ALPL: variants seen among roughly 807,000 people sequenced by gnomAD.
The protein encoded by ALPL is alkaline phosphatase, biomineralization associated.
Under a neutral mutation model 51.3 loss-of-function variants are expected in ALPL, and 42 were observed. The observed-to-expected ratio is 0.82, with a 90% CI of 0.64 to 1.06. The LOEUF (loss-of-function observed/expected upper bound fraction) is 1.06. Among genes scored for constraint, ALPL ranks in the 50% least tolerant of loss-of-function variants. The pLI is 0.00. For missense variants in ALPL, 589 were observed against 709.4 expected, an observed-to-expected ratio of 0.83 and a Z score of 1.93; for synonymous variants, 279 against 296.4, an observed-to-expected ratio of 0.94 and a Z score of 0.60.
intron 1 of ALPL, among the ~76,000 whole-genome samples, chr1:21,541,908 G>A (rs1003869087): frequency 6.6e-6 from 1 of 152,108 alleles, no homozygotes; most frequent in Non-Finnish European, 1.5e-5. Context: ...CCAGGATGGG[G>A]TGCTGTCAAT....
chr1:21,577,706 G>GC lies in ALPL; in HGVS notation c.*66dup, dbSNP rs371832452. On this transcript the variant is annotated 3_prime_UTR_variant, in exon 12 of 12. Transcript: ENST00000374840. ...ACAGATGCCAACTTCCCACACGGCAGCCCCCCCCTCAAGGGGCAGGGAGGT... is the reference window on the plus strand; with the variant it reads ...ACAGATGCCAACTTCCCACACGGCAGCCCCCCCCCTCAAGGGGCAGGGAGGT... 155 of 1,550,508 alleles carry GC rather than the reference G, an allele frequency of 1.0e-4. No homozygotes were observed. The highest frequency in any genetic ancestry group is 2.9e-4 in the Admixed American group (16 of 54,612).
rs185208617 is a variant in ALPL at position 21,516,041 on chromosome 1, G to A, written c.-105+6524G>A. Among the ~76,000 whole-genome samples, 203 of 152,110 alleles carry A rather than the reference G, an allele frequency of 1.3e-3. 1 individual carries two copies. Among genetic ancestry groups the A allele is most frequent in the African/African-American group, 4.5e-3 (187 of 41,484 alleles). On this transcript the variant is annotated intron_variant, in intron 1 of 11. Transcript: ENST00000374840. ...CCACAGGCATTCGCCACCACGCCCCGCTAATTTTTTTTATTACTTGTAGAG... is the reference window on the plus strand; with the variant it reads ...CCACAGGCATTCGCCACCACGCCCCACTAATTTTTTTTATTACTTGTAGAG...
chr1:21,532,378 A>G (rs1302912707), intron 1 of ALPL, among the ~76,000 whole-genome samples: 1 of 151,984 alleles, frequency 6.6e-6, no homozygotes, highest in Non-Finnish European at 1.5e-5. Context: ...TTTTGTAGAG[A>G]TGGGGTTTCA....
chr1:21,514,348 A>G (rs957973492), intron 1 of ALPL, among the ~76,000 whole-genome samples: 1 of 152,124 alleles, frequency 6.6e-6, no homozygotes, highest in African/African-American at 2.4e-5. Context: ...CTTGCTCCCC[A>G]AGAGCCCTGT....
chr1:21,524,496 T>TA (rs1643916618), intron 1 of ALPL, among the ~76,000 whole-genome samples: 1 of 151,224 alleles, frequency 6.6e-6, no homozygotes, highest in South Asian at 2.1e-4. Flanking sequence ...ATCCCATCTC[T>TA]AAAAATAAAA....
intron 1 of ALPL, among the ~76,000 whole-genome samples, chr1:21,514,602 C>T (rs996990810): frequency 2.0e-5 from 3 of 152,092 alleles, no homozygotes; most frequent in Non-Finnish European, 4.4e-5. Context: ...TGGTTACATG[C>T]GGGGGGCTCT....
chr1:21,553,028 G>A (rs1005147557), intron 1 of ALPL, among the ~76,000 whole-genome samples: 4 of 151,444 alleles, frequency 2.6e-5, no homozygotes, highest in African/African-American at 9.7e-5. Flanking sequence ...ACATTCTTAT[G>A]CCATTAATAC....
chr1:21,567,638 C>G (rs1168514713), intron 6 of ALPL, among the ~76,000 whole-genome samples: 2 of 152,234 alleles, frequency 1.3e-5, no homozygotes, highest in African/African-American at 4.8e-5. Flanking sequence ...GGTTTGAATC[C>G]TGATGCTGCC....
chr1:21,576,505 A>G lies in ALPL; in HGVS notation c.1190-17A>G, dbSNP rs1168197382. Reference sequence around the variant, plus strand: ...TGGGGCCCCAGCATGACCCCTGAACACCCCCTCCCTGTGCAGGTCTGGCCC... The same window carrying G: ...TGGGGCCCCAGCATGACCCCTGAACGCCCCCTCCCTGTGCAGGTCTGGCCC... On this transcript the variant is annotated splice_polypyrimidine_tract_variant and intron_variant, in intron 10 of 11. Transcript: ENST00000374840. The G allele has an allele frequency of 6.2e-7, 1 of 1,612,836 alleles. No individual in the cohort carries two copies. Among genetic ancestry groups the G allele is most frequent in the East Asian group, 2.2e-5 (1 of 44,816 alleles).
At chr1:21,569,522 C>T (rs985894907) in intron 7 of ALPL, among the ~76,000 whole-genome samples, 1 of 152,100 alleles carries the variant, frequency 6.6e-6, no homozygotes, top group African/African-American at 2.4e-5. Flanking sequence ...ACAGGAACAA[C>T]CCTGGAGGGA....
chr1:21,530,273 A>G (rs552094877), intron 1 of ALPL, among the ~76,000 whole-genome samples: 6 of 152,306 alleles, frequency 3.9e-5, no homozygotes, highest in Non-Finnish European at 8.8e-5. Flanking sequence ...ATTTTTGCTT[A>G]TTTTAAATTC....
chr1:21,511,014 G>A (rs1047206673), intron 1 of ALPL, among the ~76,000 whole-genome samples: 2 of 152,164 alleles, frequency 1.3e-5, no homozygotes, highest in South Asian at 2.1e-4. Flanking sequence ...TTCCCCTTTC[G>A]GGACTATTGT....
At chr1:21,520,146 A>G (rs1643869409) in intron 1 of ALPL, among the ~76,000 whole-genome samples, 1 of 151,908 alleles carries the variant, frequency 6.6e-6, no homozygotes, top group South Asian at 2.1e-4. Context: ...TTGTTTTTTG[A>G]GACAAGGTCT....
At chr1:21,545,656 G>T (rs1644245675) in intron 1 of ALPL, among the ~76,000 whole-genome samples, 1 of 152,048 alleles carries the variant, frequency 6.6e-6, no homozygotes, top group African/African-American at 2.4e-5. Context: ...AATGACAAGT[G>T]CTAAGCTGTA....
chr1:21,563,413 G>A (rs1310173913), intron 5 of ALPL, 129 bp downstream of exon 5: 4 of 1,210,878 alleles, frequency 3.3e-6, no homozygotes, highest in African/African-American at 3.1e-5. Flanking sequence ...GATATGCTGG[G>A]AGTCTGTAAT....
intron 1 of ALPL, among the ~76,000 whole-genome samples, chr1:21,542,035 G>A (rs764903667): frequency 2.0e-5 from 3 of 152,200 alleles, no homozygotes; most frequent in Non-Finnish European, 2.9e-5. Flanking sequence ...TCCTGCGCAA[G>A]CACTTCATCC....
chr1:21,527,405 A>G (rs1237558427), intron 1 of ALPL, among the ~76,000 whole-genome samples: 2 of 152,190 alleles, frequency 1.3e-5, no homozygotes, highest in Admixed American at 6.5e-5. Flanking sequence ...CTCAGTCTTC[A>G]GATATCTTGA....
At chr1:21,565,824 T>C (rs1558550820) in intron 6 of ALPL, among the ~76,000 whole-genome samples, 1 of 149,110 alleles carries the variant, frequency 6.7e-6, no homozygotes, top group Non-Finnish European at 1.5e-5. Flanking sequence ...TAAATACTGT[T>C]GCTTAAAAAA....
intron 1 of ALPL, among the ~76,000 whole-genome samples, chr1:21,513,956 G>C (rs1643742385): frequency 6.6e-6 from 1 of 152,142 alleles, no homozygotes; most frequent in Admixed American, 6.5e-5. Flanking sequence ...CCTACCTTCT[G>C]AGCTTGCGGT....
Sources: allele counts gnomAD v4.1 joint callset (sites outside exome capture counted in the v4.1 genomes callset), GRCh38; gene constraint gnomAD v4.1.1; transcripts MANE v1.5; gene names NCBI Gene and HGNC (gene_info 2026-07-23, HGNC 2026-07-21).